DOCK4: variants seen among roughly 807,000 people sequenced by gnomAD.
DOCK4 encodes dedicator of cytokinesis protein 4.
A neutral mutation model predicts 268.1 loss-of-function variants in DOCK4; 97 were observed. That is an observed-to-expected ratio of 0.36 (90% CI 0.31 to 0.43). DOCK4 has a LOEUF of 0.43. Among genes scored for constraint, DOCK4 ranks in the 20% least tolerant of loss-of-function variants. The pLI is 1.00. For missense variants in DOCK4, 2,145 were observed against 2,455.7 expected, an observed-to-expected ratio of 0.87 and a Z score of 2.67; for synonymous variants, 954 against 887.2, an observed-to-expected ratio of 1.08 and a Z score of -1.34.
In DOCK4 at chr7:111,841,457, G is replaced by T. The variant is rs73436226; in HGVS notation, c.2736+3306C>A. 4.4e-3 allele frequency among the ~76,000 whole-genome samples: 674 copies of T among 151,958 alleles called. 3 individuals carry two copies. The highest frequency in any genetic ancestry group is 0.015 in the African/African-American group (637 of 41,428). On this transcript the variant is annotated intron_variant, in intron 25 of 52. Transcript: ENST00000428084. The stretch of plus-strand genomic sequence containing the variant: ...ATTACAGGCATAAGACACCGCGCCT[G>T]GCCTATTTTCTCTGTTTTAAAGAAA...
At chr7:111,817,541 TA>T (rs1801649229) in intron 27 of DOCK4, among the ~76,000 whole-genome samples, 2 of 152,238 alleles carry the variant, frequency 1.3e-5, no homozygotes, top group Non-Finnish European at 2.9e-5. Context: ...TCAGTTTAAT[TA>T]AACTGCATGC....
intron 1 of DOCK4, among the ~76,000 whole-genome samples, chr7:112,130,966 G>C (rs1813742095): frequency 6.6e-6 from 1 of 152,122 alleles, no homozygotes; most frequent in African/African-American, 2.4e-5. Flanking sequence ...TTGACTTCCA[G>C]TATTTTAGAC....
intron 12 of DOCK4, among the ~76,000 whole-genome samples, chr7:111,927,200 G>C (rs114221820): frequency 1.9e-3 from 291 of 152,300 alleles, no homozygotes; most frequent in African/African-American, 6.9e-3. Context: ...TATGCAAAAG[G>C]TATGATAAGC....
At chr7:112,055,815 G>A (rs1452538657) in intron 1 of DOCK4, among the ~76,000 whole-genome samples, 1 of 151,880 alleles carries the variant, frequency 6.6e-6, no homozygotes, top group Non-Finnish European at 1.5e-5. Flanking sequence ...GGCCAAGGCA[G>A]GAGAATTGCT....
chr7:111,896,989 T>C lies in DOCK4; in HGVS notation c.1481-1271A>G, dbSNP rs77113918. On this transcript the variant is annotated intron_variant, in intron 15 of 52. Coordinates refer to ENST00000428084, the MANE Select transcript of DOCK4 (RefSeq NM_001363540.2). ...CTCTGGGAAGAGATTTCCACATCAA[T>C]GATAATACAGGAACTTGAATCTACA... Among the ~76,000 whole-genome samples, 860 of 152,234 alleles carry C rather than the reference T, an allele frequency of 5.6e-3. 5 individuals are homozygous for C. The highest frequency in any genetic ancestry group is 9.2e-3 in the Non-Finnish European group (625 of 68,004).
chr7:112,014,274 C>A (rs149147045), intron 1 of DOCK4, among the ~76,000 whole-genome samples: 1 of 152,132 alleles, frequency 6.6e-6, no homozygotes, highest in Non-Finnish European at 1.5e-5. Context: ...TTCTTTTATG[C>A]GCATTTAATC....
chr7:111,852,535 T>C, intron 23 of DOCK4, among the ~76,000 whole-genome samples: 1 of 149,752 alleles, frequency 6.7e-6, no homozygotes, highest in Non-Finnish European at 1.5e-5. Flanking sequence ...AAAATTTAAG[T>C]GCCAGTAGTC....
intron 1 of DOCK4, among the ~76,000 whole-genome samples, chr7:112,059,737 GA>G (rs886145915): frequency 1.8e-4 from 27 of 152,244 alleles, no homozygotes; most frequent in African/African-American, 6.5e-4. Context: ...AAAGAGGGGG[GA>G]AAAAGTCATG....
At position 111,767,104 on chromosome 7, in the gene DOCK4, G is replaced by A; in HGVS notation, c.3843C>T (p.Gly1281=). The A allele has an allele frequency of 6.2e-7, 1 of 1,613,374 alleles. No homozygotes were observed. ...CTGCAATCTTCCGGCACAAGATAAT[G>A]CCATTCTCCCAACACTGTGGACAAA... The part of the protein sequence containing the change: ...NFDRGKCWEN[G]IILCRKIAEQ... The change falls in exon 38 of 53, where the codon GGC becomes GGT. Residue 1281 remains glycine (G), a synonymous_variant. Coordinates refer to ENST00000428084, the MANE Select transcript of DOCK4 (RefSeq NM_001363540.2).
At chr7:111,943,264 C>G (rs1382302373) in intron 10 of DOCK4, among the ~76,000 whole-genome samples, 2 of 152,132 alleles carry the variant, frequency 1.3e-5, no homozygotes, top group African/African-American at 4.8e-5. Context: ...AATCAAACAC[C>G]AAGCATTTGA....
rs1047779494 is a variant in DOCK4, at chr7:112,082,100, C to T, written c.38-77969G>A. On this transcript the variant is annotated intron_variant, in intron 1 of 52. Transcript: ENST00000428084. ...ACATGTAGAGTTCTTAGCTCCGCAC[C>T]TGTCATGGAATAGACACATAGTAAA... Among the ~76,000 whole-genome samples, 4 of 152,152 alleles carry T rather than the reference C, an allele frequency of 2.6e-5. No homozygotes were observed. In the South Asian group the frequency reaches 6.2e-4, roughly 24 times the overall value.
intron 14 of DOCK4, 59 bp downstream of exon 14, chr7:111,901,618 A>T: frequency 6.5e-7 from 1 of 1,534,830 alleles, no homozygotes. Flanking sequence ...CACATTAAAG[A>T]TTAAGTGAAA....
At chr7:111,815,483 T>C (rs1309528201) in intron 27 of DOCK4, among the ~76,000 whole-genome samples, 1 of 152,236 alleles carries the variant, frequency 6.6e-6, no homozygotes, top group Admixed American at 6.5e-5. Flanking sequence ...TTTCATTCTT[T>C]TACTCATGAA....
intron 1 of DOCK4, among the ~76,000 whole-genome samples, chr7:112,110,872 G>A (rs565727640): frequency 3.3e-5 from 5 of 152,278 alleles, no homozygotes; most frequent in African/African-American, 4.8e-5. Context: ...GGGCAACTCC[G>A]CTCCCCACGG....
intron 39 of DOCK4, among the ~76,000 whole-genome samples, chr7:111,764,762 A>G (rs1057187938): frequency 1.1e-4 from 17 of 151,982 alleles, no homozygotes; most frequent in African/African-American, 4.1e-4. Flanking sequence ...GTGAAACTGC[A>G]TTGCTTTCGA....
chr7:111,795,333 T>A (rs1799820423), intron 30 of DOCK4, among the ~76,000 whole-genome samples: 1 of 152,028 alleles, frequency 6.6e-6, no homozygotes, highest in South Asian at 2.1e-4. Context: ...CCCAGCTTCA[T>A]CCCTGGCCCC....
chr7:111,943,963 G>T (rs550343167), intron 10 of DOCK4, among the ~76,000 whole-genome samples: 17 of 152,290 alleles, frequency 1.1e-4, no homozygotes, highest in Admixed American at 5.2e-4. Context: ...AGTATTCCTA[G>T]GCAAGTAATG....
At chr7:111,733,483 C>T (rs1369840227) in intron 51 of DOCK4, among the ~76,000 whole-genome samples, 4 of 152,118 alleles carry the variant, frequency 2.6e-5, no homozygotes, top group African/African-American at 4.8e-5. Flanking sequence ...TCCTGTTGAT[C>T]GTGGGTGCTG....
Position 111,778,380 on chromosome 7 carries a change from A to G in DOCK4, c.3586-11T>C. 1.9e-6 allele frequency: 3 copies of G among 1,567,050 alleles called. No homozygotes were observed. The highest frequency in any genetic ancestry group is 2.6e-6 in the Non-Finnish European group (3 of 1,137,940). On this transcript the variant is annotated splice_polypyrimidine_tract_variant and intron_variant, in intron 35 of 52. Transcript: ENST00000428084. ...AGTCTTATAGAAGTTCTGTAAAAAA[A>G]GAGTACAGGTATGGATAGTTCCTCA...
Sources: gnomAD v4.1 joint callset for allele counts (sites outside exome capture counted in the v4.1 genomes callset) on GRCh38, gnomAD v4.1.1 for gene constraint, MANE v1.5 for transcripts, NCBI Gene and HGNC (gene_info 2026-07-23, HGNC 2026-07-21) for gene names.